Variants in UBE2L3 observed in about 807,000 individuals in gnomAD.
UBE2L3 encodes ubiquitin-conjugating enzyme E2 L3.
UBE2L3 carries 1 observed loss-of-function variant against 17.8 expected under a neutral mutation model. The ratio of observed to expected loss-of-function variants is 0.06; its 90% CI spans 0.02 to 0.27. The LOEUF is 0.27. Among genes scored for constraint, UBE2L3 ranks in the 10% least tolerant of loss-of-function variants. UBE2L3 has a pLI of 1.00. For missense variants in UBE2L3, 40 were observed against 192.6 expected, an observed-to-expected ratio of 0.21 and a Z score of 4.69; for synonymous variants, 44 against 68.5, an observed-to-expected ratio of 0.64 and a Z score of 1.76.
intron 1 of UBE2L3, 139 bp from the exon 2 acceptor site, chr22:21,592,722 C>G (rs966411764): frequency 1.4e-6 from 1 of 701,550 alleles, no homozygotes; most frequent in Non-Finnish European, 2.5e-6. Flanking sequence ...TTAACCACTC[C>G]AAGCACAGTT....
At chr22:21,590,261 G>A (rs1419798322) in intron 1 of UBE2L3, among the ~76,000 whole-genome samples, 2 of 152,002 alleles carry the variant, frequency 1.3e-5, no homozygotes, top group Admixed American at 6.6e-5. Flanking sequence ...GCAGTGGTGC[G>A]ATCTTAGTTC....
chr22:21,561,916 A>G (rs148137085), intron 1 of UBE2L3, among the ~76,000 whole-genome samples: 4 of 152,284 alleles, frequency 2.6e-5, no homozygotes, highest in Non-Finnish European at 5.9e-5. Context: ...TTTCTCTCCT[A>G]TCAAATAGAA....
chr22:21,618,349 G>A (rs1484037612), intron 3 of UBE2L3, among the ~76,000 whole-genome samples: 1 of 152,074 alleles, frequency 6.6e-6, no homozygotes, highest in East Asian at 1.9e-4. Flanking sequence ...TGGATCACGA[G>A]GTCAGGAGAT....
intron 1 of UBE2L3, among the ~76,000 whole-genome samples, chr22:21,562,119 T>G (rs1926453492): frequency 1.3e-5 from 2 of 151,500 alleles, no homozygotes; most frequent in African/African-American, 2.4e-5. Flanking sequence ...CAACACCGTC[T>G]GGTGTTTTCC....
rs572416164 is a variant in UBE2L3, at chr22:21,588,676, A to C, written c.28-4185A>C. Among the ~76,000 whole-genome samples the C allele has an allele frequency of 2.7e-5, 4 of 149,828 alleles. No individual in the cohort carries two copies. In the South Asian group the frequency reaches 8.5e-4, roughly 32 times the overall value. ...TTTTATTTTTTATTTTTATTTATTT[A>C]TTTTTGAGACAGAGTCTTGCTCTGT... On this transcript the variant is annotated intron_variant, in intron 1 of 3. Transcript: ENST00000342192.
At chr22:21,593,693 C>T (rs1040396133) in intron 2 of UBE2L3, among the ~76,000 whole-genome samples, 4 of 152,176 alleles carry the variant, frequency 2.6e-5, no homozygotes, top group Admixed American at 1.3e-4. Flanking sequence ...CCTGAAACCA[C>T]GTCACACCCA....
Position 21,623,562 on chromosome 22 carries a change from T to G in UBE2L3, c.*1893T>G, listed in dbSNP as rs1038244379. 2.6e-5 allele frequency: 4 copies of G among 152,822 alleles called. No individual in the cohort carries two copies. Among genetic ancestry groups the G allele is most frequent in the African/African-American group, 9.6e-5 (4 of 41,456 alleles). The allele number at this position is 152,822 out of a possible 1,614,324, so 9.5% of individuals were successfully genotyped here. ...CATTCTTGGAAACTGTCCCATTGCTTCGTATTTCTGCCAACGTAGCTCTGC... is the reference window on the plus strand; with the variant it reads ...CATTCTTGGAAACTGTCCCATTGCTGCGTATTTCTGCCAACGTAGCTCTGC... On this transcript the variant is annotated 3_prime_UTR_variant, in exon 4 of 4. Transcript: ENST00000342192.
intron 1 of UBE2L3, among the ~76,000 whole-genome samples, chr22:21,561,945 T>C (rs889184876): frequency 6.6e-6 from 1 of 152,174 alleles, no homozygotes; most frequent in Non-Finnish European, 1.5e-5. Context: ...TACTGCTCTA[T>C]GGTGCCAATG....
At chr22:21,566,954 T>C (rs1032998566), upstream of UBE2L3, among the ~76,000 whole-genome samples, 1 of 152,164 alleles carries the variant, frequency 6.6e-6, no homozygotes, top group Non-Finnish European at 1.5e-5. Flanking sequence ...CTTCTGTTTA[T>C]TGTGAAATGA....
intron 3 of UBE2L3, among the ~76,000 whole-genome samples, chr22:21,616,686 G>C (rs951299841): frequency 1.3e-5 from 2 of 150,648 alleles, no homozygotes; most frequent in Non-Finnish European, 3.0e-5. Flanking sequence ...TTAGCCAGGC[G>C]TGGTGACAGG....
chr22:21,590,743 C>G (rs1601416283), intron 1 of UBE2L3, among the ~76,000 whole-genome samples: 1 of 152,134 alleles, frequency 6.6e-6, no homozygotes, highest in East Asian at 1.9e-4. Flanking sequence ...TGTCCTTAGC[C>G]AAGAATCTTA....
intron 1 of UBE2L3, among the ~76,000 whole-genome samples, chr22:21,569,877 C>T (rs182088169): frequency 2.0e-5 from 3 of 152,294 alleles, no homozygotes; most frequent in East Asian, 1.9e-4. Flanking sequence ...GAGTTGTGAT[C>T]GAATTCGGTT....
intron 1 of UBE2L3, among the ~76,000 whole-genome samples, chr22:21,578,043 A>G (rs1378148859): frequency 6.6e-6 from 1 of 152,016 alleles, no homozygotes; most frequent in Non-Finnish European, 1.5e-5. Flanking sequence ...AAAGTGTTTC[A>G]CACCAGCACG....
chr22:21,587,035 A>C (rs1237562277), intron 1 of UBE2L3, among the ~76,000 whole-genome samples: 1 of 146,472 alleles, frequency 6.8e-6, no homozygotes, highest in African/African-American at 2.6e-5. Context: ...ACAGGCATGC[A>C]CCCCTATGCC....
intron 1 of UBE2L3, chr22:21,568,334 G>C: frequency 1.0e-6 from 1 of 985,538 alleles, no homozygotes; most frequent in Non-Finnish European, 1.2e-6. Context: ...ATTGCGCTGG[G>C]TCCTAGCAAA....
chr22:21,599,595 G>A (rs1432831514), intron 2 of UBE2L3, among the ~76,000 whole-genome samples: 1 of 152,138 alleles, frequency 6.6e-6, no homozygotes, highest in Non-Finnish European at 1.5e-5. Flanking sequence ...ACAATATCTG[G>A]ACTGCATAGT....
chr22:21,604,624 A>G (rs1026562890), intron 2 of UBE2L3, among the ~76,000 whole-genome samples: 1 of 152,166 alleles, frequency 6.6e-6, no homozygotes, highest in African/African-American at 2.4e-5. Context: ...ATGTTTTTTC[A>G]TTAACATCCC....
chr22:21,568,524 C>A, intron 1 of UBE2L3: 3 of 745,688 alleles, frequency 4.0e-6, no homozygotes, highest in Non-Finnish European at 4.9e-6. Context: ...TCGTTCGAAT[C>A]AAAACGGGCC....
chr22:21,611,243 C>A (rs116705679), intron 3 of UBE2L3, among the ~76,000 whole-genome samples, 200 bp downstream of exon 3: 1 of 152,214 alleles, frequency 6.6e-6, no homozygotes, highest in Non-Finnish European at 1.5e-5. Flanking sequence ...GGAGGCCTTT[C>A]CAGTGCTCAG....
Sources: gnomAD v4.1 joint callset for allele counts (sites outside exome capture counted in the v4.1 genomes callset) on GRCh38, gnomAD v4.1.1 for gene constraint, MANE v1.5 for transcripts, NCBI Gene and HGNC (gene_info 2026-07-23, HGNC 2026-07-21) for gene names.